CSMD1: variants seen among roughly 807,000 people sequenced by gnomAD.
The protein encoded by CSMD1 is CUB and sushi domain-containing protein 1.
A neutral mutation model predicts 417.5 loss-of-function variants in CSMD1; 213 were observed. The observed-to-expected ratio is 0.51, with a 90% CI of 0.46 to 0.57. The LOEUF (loss-of-function observed/expected upper bound fraction) is 0.57. CSMD1 is among the 20% of genes least tolerant of loss of function. CSMD1 has a pLI of 0.00. For synonymous variants in CSMD1, 2,862 were observed against 1,736.8 expected (o/e 1.65, Z -16.11); for missense variants, 6,923 against 4,529.7 (o/e 1.53, Z -15.17).
chr8:3,267,723 G>A (rs1357291357), intron 26 of CSMD1, among the ~76,000 whole-genome samples: 1 of 152,164 alleles, frequency 6.6e-6, no homozygotes, highest in African/African-American at 2.4e-5. Context: ...GATGTTTTGG[G>A]TTACCCGGTG....
chr8:4,621,451 C>G (rs913419866), intron 2 of CSMD1, among the ~76,000 whole-genome samples: 1 of 152,046 alleles, frequency 6.6e-6, no homozygotes, highest in Non-Finnish European at 1.5e-5. Flanking sequence ...ATTTAAAAAG[C>G]AGAGATCAAG....
At chr8:4,990,920 G>A (rs948994173) in intron 1 of CSMD1, among the ~76,000 whole-genome samples, 4 of 152,166 alleles carry the variant, frequency 2.6e-5, no homozygotes, top group Non-Finnish European at 5.9e-5. Flanking sequence ...AGCAGTGCGT[G>A]CTCACATCTC....
At chr8:3,783,435 C>T (rs148379903) in intron 5 of CSMD1, among the ~76,000 whole-genome samples, 1 of 152,158 alleles carries the variant, frequency 6.6e-6, no homozygotes, top group East Asian at 1.9e-4. Flanking sequence ...CGGCCCTATG[C>T]TGATGGCAGG....
chr8:2,991,579 A>G (rs900810340), intron 54 of CSMD1, among the ~76,000 whole-genome samples: 1 of 152,238 alleles, frequency 6.6e-6, no homozygotes, highest in African/African-American at 2.4e-5. Flanking sequence ...GTGGTTCAAA[A>G]TTGCCATTTC....
At chr8:4,135,343 A>G in intron 3 of CSMD1, among the ~76,000 whole-genome samples, 1 of 28,124 alleles carries the variant, frequency 3.6e-5, no homozygotes, top group Non-Finnish European at 8.0e-5. Flanking sequence ...GGAAAGAAGG[A>G]AGGAAGGGAA....
chr8:3,803,930 C>G (rs186042205), intron 5 of CSMD1, among the ~76,000 whole-genome samples: 106 of 152,042 alleles, frequency 7.0e-4, no homozygotes, highest in Non-Finnish European at 1.2e-3. Flanking sequence ...CAAAGTTTCT[C>G]TTTTTTTCTT....
At chr8:3,973,235 T>A (rs1278054521) in intron 5 of CSMD1, among the ~76,000 whole-genome samples, 1 of 152,208 alleles carries the variant, frequency 6.6e-6, no homozygotes, top group Non-Finnish European at 1.5e-5. Context: ...AGCTGTTCCC[T>A]GGCAGGTGGG....
At chr8:3,684,685 C>T (rs183725390) in intron 7 of CSMD1, among the ~76,000 whole-genome samples, 1,909 of 151,352 alleles carry the variant, frequency 0.013, 39 homozygotes, top group African/African-American at 0.044. Flanking sequence ...GCTAGCTCCG[C>T]CTCGCAGGTT....
At position 4,248,979 on chromosome 8, in the gene CSMD1, A is replaced by C. The variant is rs73498578; in HGVS notation, c.415+170974T>G. 1.9e-3 allele frequency among the ~76,000 whole-genome samples: 286 copies of C among 152,294 alleles called. 2 individuals are homozygous for C. The highest frequency in any genetic ancestry group is 6.5e-3 in the African/African-American group (270 of 41,554). On this transcript the variant is annotated intron_variant, in intron 3 of 69. Transcript: ENST00000635120. Reference sequence around the variant, plus strand: ...TGCTACTTTTAATATCATAATTCAAAACATAAACAAACACTAGACCATGTA... The same window carrying C: ...TGCTACTTTTAATATCATAATTCAACACATAAACAAACACTAGACCATGTA...
chr8:4,095,929 T>C (rs1260871329), intron 3 of CSMD1, among the ~76,000 whole-genome samples: 2 of 152,214 alleles, frequency 1.3e-5, no homozygotes, highest in Non-Finnish European at 2.9e-5. Flanking sequence ...TATTTAAATG[T>C]ATCATTCCTA....
At chr8:3,392,294 C>T (rs1478893694) in intron 17 of CSMD1, among the ~76,000 whole-genome samples, 1 of 151,980 alleles carries the variant, frequency 6.6e-6, no homozygotes, top group Non-Finnish European at 1.5e-5. Context: ...GACATTTTCA[C>T]TTGAAAAAAA....
chr8:4,281,978 T>C (rs547183434), intron 3 of CSMD1, among the ~76,000 whole-genome samples: 38 of 152,334 alleles, frequency 2.5e-4, no homozygotes, highest in Non-Finnish European at 4.4e-5. Context: ...CAATTGCAAA[T>C]GCATTCAACT....
At chr8:4,619,781 T>C in intron 2 of CSMD1, among the ~76,000 whole-genome samples, 1 of 152,238 alleles carries the variant, frequency 6.6e-6, no homozygotes, top group African/African-American at 2.4e-5. Context: ...GTCCTCACAA[T>C]TTTGGTATTC....
At chr8:3,912,639 G>A (rs1281061087) in intron 5 of CSMD1, among the ~76,000 whole-genome samples, 2 of 152,146 alleles carry the variant, frequency 1.3e-5, no homozygotes, top group Admixed American at 1.3e-4. Context: ...GTGTTTACAA[G>A]CGTCCTCAAG....
chr8:4,108,003 G>C (rs561679644), intron 3 of CSMD1, among the ~76,000 whole-genome samples: 2 of 151,848 alleles, frequency 1.3e-5, no homozygotes, highest in Admixed American at 6.6e-5. Context: ...GAAAGTAAGG[G>C]AAAGACAGAA....
At chr8:3,286,169 T>C (rs1440931953) in intron 25 of CSMD1, among the ~76,000 whole-genome samples, 2 of 152,216 alleles carry the variant, frequency 1.3e-5, no homozygotes, top group East Asian at 3.8e-4. Context: ...TACTTCTTTA[T>C]GGCTGCATAG....
At chr8:4,484,465 G>C (rs1801262604) in intron 2 of CSMD1, among the ~76,000 whole-genome samples, 1 of 151,996 alleles carries the variant, frequency 6.6e-6, no homozygotes, top group African/African-American at 2.4e-5. Context: ...TCAGTACTTG[G>C]GCAATTTGAA....
intron 4 of CSMD1, among the ~76,000 whole-genome samples, chr8:4,022,338 C>G (rs1221538804): frequency 1.3e-5 from 2 of 151,922 alleles, no homozygotes; most frequent in Non-Finnish European, 2.9e-5. Context: ...TCCAATTCAG[C>G]AGAAGTGAAT....
At chr8:3,157,305 C>T (rs141884507) in intron 39 of CSMD1, among the ~76,000 whole-genome samples, 104 of 152,246 alleles carry the variant, frequency 6.8e-4, no homozygotes, top group African/African-American at 2.4e-3. Flanking sequence ...ACCTTCAATG[C>T]CCCTGGAATC....
Sources: gnomAD v4.1 joint callset for allele counts (sites outside exome capture counted in the v4.1 genomes callset) on GRCh38, gnomAD v4.1.1 for gene constraint, MANE v1.5 for transcripts, NCBI Gene and HGNC (gene_info 2026-07-23, HGNC 2026-07-21) for gene names.